Variants in NOL6 observed in about 807,000 individuals in gnomAD.
NOL6 encodes nucleolar protein 6, also known as nucleolar RNA-associated protein.
Under a neutral mutation model 131.7 loss-of-function variants are expected in NOL6, and 33 were observed. The ratio of observed to expected loss-of-function variants is 0.25; its 90% CI spans 0.19 to 0.33. NOL6 has a LOEUF of 0.33. NOL6 is among the 10% of genes least tolerant of loss of function. The probability of loss-of-function intolerance (pLI) is 1.00; values close to 1 mark genes in which losing one functional copy is unlikely to be tolerated. For synonymous variants in NOL6, 580 were observed against 605.7 expected (o/e 0.96, Z 0.62); for missense variants, 1,297 against 1,494.5 (o/e 0.87, Z 2.18).
Position 33,472,364 on chromosome 9 carries a change from A to T in NOL6, c.103T>A (p.Ser35Thr). ...EGTGKEGKKA[S>T]SRKRTLAEPP... ...TCAGCCAATGTACGCTTCCTGGAGG[A>T]TGCTTTCTTCCCCTCTTTGCCTGTG... The change falls in exon 2 of 26, where the codon TCC becomes ACC. Residue 35 changes from serine to threonine, a missense_variant. By Grantham distance (58) the Ser-to-Thr change is moderately conservative. Coordinates refer to ENST00000297990, the MANE Select transcript of NOL6 (RefSeq NM_022917.5). 1 of 1,614,130 alleles carries T rather than the reference A, an allele frequency of 6.2e-7. No individual in the cohort carries two copies. The highest frequency in any genetic ancestry group is 8.5e-7 in the Non-Finnish European group (1 of 1,180,040).
In NOL6 at chr9:33,473,770, C is replaced by T. The variant is rs1827478597; in HGVS notation, c.54+19G>A. ...GAGCGCACATTGAGCCTCTGTTCCT[C>T]CCCGATGGCTCAACCCACCTCTGGC... On this transcript the variant is annotated intron_variant, in intron 1 of 25. Coordinates refer to ENST00000297990, the MANE Select transcript of NOL6 (RefSeq NM_022917.5). The T allele has an allele frequency of 1.2e-6, 2 of 1,611,772 alleles. No individual in the cohort carries two copies. Among genetic ancestry groups the T allele is most frequent in the East Asian group, 4.5e-5 (2 of 44,886 alleles).
chr9:33,469,449 C>T, intron 5 of NOL6, 50 bp downstream of exon 5: 2 of 1,592,466 alleles, frequency 1.3e-6, no homozygotes, highest in Non-Finnish European at 1.7e-6. Context: ...GCCTTCTCCT[C>T]CAGATTTACC....
rs1169784620 is a variant in NOL6, at chr9:33,473,799, C to T, written c.44G>A (p.Gly15Glu). ...GATGGCTCAACCCACCTCTGGCTCT[C>T]CAGTCGCTCCGCGAAGCTGCTCTCC... ...PAGEQLRGAT[G>E]EPEVMEPALE... Residue 15 changes from glycine (G) to glutamate (E), a missense_variant, in exon 1 of 26, where the codon GGA (glycine) becomes GAA (glutamate). Gly to Glu is a moderately conservative substitution (Grantham distance 98). Coordinates refer to ENST00000297990, the MANE Select transcript of NOL6 (RefSeq NM_022917.5). 1.2e-6 allele frequency: 2 copies of T among 1,611,972 alleles called. No individual in the cohort carries two copies. The highest frequency in any genetic ancestry group is 1.7e-6 in the Non-Finnish European group (2 of 1,180,024).
chr9:33,463,826 C>G lies in NOL6; in HGVS notation c.2994+5G>C. On this transcript the variant is annotated splice_donor_5th_base_variant and intron_variant, in intron 23 of 25. Transcript: ENST00000297990. Reference sequence around the variant, plus strand: ...CCCTGGAGTCACTGCTGGTCAGAAGCTTACCCTGATGTCCCCAGGTCCCCG... The same window carrying G: ...CCCTGGAGTCACTGCTGGTCAGAAGGTTACCCTGATGTCCCCAGGTCCCCG... The G allele has an allele frequency of 6.2e-7, 1 of 1,614,016 alleles. No homozygotes were observed. Among genetic ancestry groups the G allele is most frequent in the Non-Finnish European group, 8.5e-7 (1 of 1,179,938 alleles).
At chr9:33,472,453 A>G in intron 1 of NOL6, 41 bp from the exon 2 acceptor site, 12 of 1,524,042 alleles carry the variant, frequency 7.9e-6, no homozygotes, top group Non-Finnish European at 1.1e-5. Flanking sequence ...GGTAATAGGT[A>G]TCTAGCATCT....
rs1326633130 is a variant in NOL6, at chr9:33,472,018, C to T, written c.364G>A (p.Val122Ile). ...CACTTGCTTACCTCTGTCTCAGGGA[C>T]TGAGGGCACCCTCACAACCCGCTGG... ...VNQRVVRVPS[V>I]PETELTDQAW... Residue 122 changes from valine (V) to isoleucine (I), a missense_variant, in exon 3 of 26, where the codon GTC (valine) becomes ATC (isoleucine). Transcript: ENST00000297990. 4 of 1,611,800 alleles carry T rather than the reference C, an allele frequency of 2.5e-6. No homozygotes were observed. Among genetic ancestry groups the T allele is most frequent in the Non-Finnish European group, 3.4e-6 (4 of 1,179,642 alleles).
At chr9:33,472,873 T>G (rs1361639721) in intron 1 of NOL6, among the ~76,000 whole-genome samples, 1 of 149,570 alleles carries the variant, frequency 6.7e-6, no homozygotes, top group Non-Finnish European at 1.5e-5. Context: ...CGCGGGAGAC[T>G]GAGGCAGGAA....
In NOL6 at chr9:33,465,376, A is replaced by G; in HGVS notation, c.2529-17T>C. The G allele has an allele frequency of 6.4e-7, 1 of 1,571,768 alleles. No individual in the cohort carries two copies. Among genetic ancestry groups the G allele is most frequent in the Non-Finnish European group, 8.6e-7 (1 of 1,156,808 alleles). ...TGCTGCAGTCTGCAGAGAGAAGGGG[A>G]GTGTCAGCGAGACTCAGGGCCCCAC... On this transcript the variant is annotated splice_polypyrimidine_tract_variant and intron_variant, in intron 19 of 25. Coordinates refer to ENST00000297990, the MANE Select transcript of NOL6 (RefSeq NM_022917.5).
intron 10 of NOL6, 87 bp downstream of exon 10, chr9:33,468,234 A>G: frequency 6.2e-7 from 1 of 1,609,300 alleles, no homozygotes; most frequent in Non-Finnish European, 8.5e-7. Flanking sequence ...CTCTTTGAAG[A>G]GGAGTTTCTG....
At chr9:33,462,995 C>G in intron 25 of NOL6, 38 bp downstream of exon 25, 10 of 1,589,188 alleles carry the variant, frequency 6.3e-6, no homozygotes, top group Non-Finnish European at 8.6e-6. Context: ...GAACCACGTG[C>G]ACACACTCAG....
chr9:33,463,955 G>A (rs539189605), intron 22 of NOL6, 35 bp from the exon 23 acceptor site: 2 of 1,614,116 alleles, frequency 1.2e-6, no homozygotes, highest in African/African-American at 1.3e-5. Context: ...TGGAACTGAA[G>A]TGGGTCTCTC....
Position 33,462,260 on chromosome 9 carries a change from G to A in NOL6, c.*404C>T. On this transcript the variant is annotated 3_prime_UTR_variant, in exon 26 of 26. Transcript: ENST00000297990. Reference sequence around the variant, plus strand: ...AAGGGCATGCTAAGTCTAGGCACAGGTCCTGGCAGCAGGAAGGAGACAGAG... The same window carrying A: ...AAGGGCATGCTAAGTCTAGGCACAGATCCTGGCAGCAGGAAGGAGACAGAG... 1 of 715,948 alleles carries A rather than the reference G, an allele frequency of 1.4e-6. No homozygotes were observed. The highest frequency in any genetic ancestry group is 2.6e-6 in the Non-Finnish European group (1 of 384,802). The allele number at this position is 715,948 out of a possible 1,614,324, so 44.3% of individuals were successfully genotyped here.
chr9:33,462,561 A>ATGGAGGATTCATGTCCAAGGAGGG lies in NOL6; in HGVS notation c.*79_*102dup. 7.4e-7 allele frequency: 1 copy of ATGGAGGATTCATGTCCAAGGAGGG among 1,342,366 alleles called. No individual in the cohort carries two copies. The highest frequency in any genetic ancestry group is 2.0e-5 in the Admixed American group (1 of 49,596). 83.2% of individuals were successfully genotyped at this position (1,342,366 alleles called of 1,614,324 possible). ...AGCATGTTCAGCCAGCAGGCCCTCC[A>ATGGAGGATTCATGTCCAAGGAGGG]TGGAGGATTCATGTCCAAGGAGGGT... On this transcript the variant is annotated 3_prime_UTR_variant, in exon 26 of 26. Coordinates refer to ENST00000297990, the MANE Select transcript of NOL6 (RefSeq NM_022917.5).
At position 33,462,855 on chromosome 9, in the gene NOL6, G is replaced by A. The variant is rs79272396; in HGVS notation, c.3292-42C>T. The A allele has an allele frequency of 1.3e-3, 2,133 of 1,610,074 alleles. 8 individuals carry two copies. In the African/African-American group the frequency reaches 0.014, roughly 11 times the overall value. ...AGAGATGTGGGTTGAGTGTCACAGC[G>A]GCACACCCAGAGACACCAAGCTGGG... On this transcript the variant is annotated intron_variant, in intron 25 of 25. Transcript: ENST00000297990.
In NOL6 at chr9:33,467,063, A is replaced by C. The variant is rs1827266707; in HGVS notation, c.1874+51T>G. The C allele has an allele frequency of 6.2e-7, 1 of 1,613,182 alleles. No homozygotes were observed. ...TCAACTGCCTGGGCCAGACCCCTGA[A>C]AAGGCTCCCCAGCCCACACTGCCTT... is the stretch of plus-strand genomic sequence containing the variant. On this transcript the variant is annotated intron_variant, in intron 14 of 25. Coordinates refer to ENST00000297990, the MANE Select transcript of NOL6 (RefSeq NM_022917.5). The surrounding 1 kb of genome is among the most constrained non-coding windows in gnomAD (Gnocchi z 4.4).
intron 21 of NOL6, 43 bp downstream of exon 21, chr9:33,464,836 A>G: frequency 7.1e-7 from 1 of 1,416,066 alleles, no homozygotes; most frequent in Non-Finnish European, 1.0e-6. Context: ...CAATCCATAA[A>G]GAGCTGTTCT....
rs1217936721 is a variant in NOL6, at chr9:33,466,606, G to T, written c.2054C>A (p.Ala685Asp). 1 of 1,614,116 alleles carries T rather than the reference G, an allele frequency of 6.2e-7. No homozygotes were observed. Among genetic ancestry groups the T allele is most frequent in the Non-Finnish European group, 8.5e-7 (1 of 1,180,022 alleles). The change falls in exon 16 of 26, where the codon GCT (alanine) becomes GAT (aspartate). Residue 685 changes from alanine to aspartate, a missense_variant. Physicochemically the swap from Ala to Asp is moderately radical, Grantham distance 126. Coordinates refer to ENST00000297990, the MANE Select transcript of NOL6 (RefSeq NM_022917.5). ...GLEGLPLTVS[A>D]VQGAHPVLRY... Reference sequence around the variant, plus strand: ...CAGCACTGGGTGAGCTCCCTGAACAGCAGACACGGTCAGTGGGAGACCCTC... The same window carrying T: ...CAGCACTGGGTGAGCTCCCTGAACATCAGACACGGTCAGTGGGAGACCCTC...
chr9:33,467,998 C>T lies in NOL6; in HGVS notation c.1424+32G>A. On this transcript the variant is annotated intron_variant, in intron 11 of 25. Coordinates refer to ENST00000297990, the MANE Select transcript of NOL6 (RefSeq NM_022917.5). The surrounding 1 kb of genome is among the most constrained non-coding windows in gnomAD (Gnocchi z 4.4). Reference sequence around the variant, plus strand: ...CACTGTAGCCCCGAAGAGACAGGACCCGCCAACATACCCTGTCACCCCTAA... The same window carrying T: ...CACTGTAGCCCCGAAGAGACAGGACTCGCCAACATACCCTGTCACCCCTAA... The T allele has an allele frequency of 6.2e-7, 1 of 1,613,966 alleles. No individual in the cohort carries two copies. Among genetic ancestry groups the T allele is most frequent in the Non-Finnish European group, 8.5e-7 (1 of 1,179,932 alleles).
rs145056335 is a variant in NOL6 at position 33,464,160 on chromosome 9, C to T, written c.2781G>A (p.Val927=). Residue 927 remains valine (V), a splice_region_variant and synonymous_variant, in exon 22 of 26, where the codon GTG becomes GTA. Transcript: ENST00000297990. The part of the protein sequence containing the change: ...LFVNLNNELT[V]EEQVEIRSGF... ...CACTGCGGATCTCCACCTGCTCCTC[C>T]ACTAGAGACAAGAATGGGTCCTGGG... The T allele has an allele frequency of 4.4e-6, 7 of 1,605,262 alleles. No homozygotes were observed. The African/African-American group carries it at 8.0e-5, about 18-fold the overall frequency.
Sources: allele counts gnomAD v4.1 joint callset (sites outside exome capture counted in the v4.1 genomes callset), GRCh38; gene constraint gnomAD v4.1.1; non-coding constraint Gnocchi (gnomAD v3.1); transcripts MANE v1.5; gene names NCBI Gene and HGNC (gene_info 2026-07-23, HGNC 2026-07-21).